The following ADAMTS5 variants were observed in gnomAD, a reference collection of about 807,000 sequenced individuals.
ADAMTS5 encodes the protein ADAM metallopeptidase with thrombospondin type 1 motif 5, also known as A disintegrin and metalloproteinase with thrombospondin motifs 5.
ADAMTS5 carries 54 observed loss-of-function variants against 81.4 expected under a neutral mutation model. The observed-to-expected ratio is 0.66, with a 90% confidence interval of 0.53 to 0.83. The LOEUF (loss-of-function observed/expected upper bound fraction) is 0.83. Among genes scored for constraint, ADAMTS5 ranks in the 40% least tolerant of loss-of-function variants. The pLI is 0.00. For missense variants in ADAMTS5, 1,194 were observed against 1,229.9 expected, an observed-to-expected ratio of 0.97 and a Z score of 0.44; for synonymous variants, 532 against 508.8, an observed-to-expected ratio of 1.05 and a Z score of -0.61.
At chr21:26,965,257 G>A (rs200596472) in intron 1 of ADAMTS5, 31 bp downstream of exon 1, 53 of 1,585,076 alleles carry the variant, frequency 3.3e-5, no homozygotes, top group Admixed American at 3.4e-5. Flanking sequence ...TGATATCAGC[G>A]CTGGGACCCC....
chr21:26,963,131 G>T (rs972088783), intron 1 of ADAMTS5, among the ~76,000 whole-genome samples: 17 of 151,810 alleles, frequency 1.1e-4, no homozygotes, highest in Admixed American at 8.5e-4. Flanking sequence ...ACCAGAGAGG[G>T]CCCATGTGAA....
chr21:26,953,677 G>C (rs544920160), intron 2 of ADAMTS5, among the ~76,000 whole-genome samples: 1 of 152,050 alleles, frequency 6.6e-6, no homozygotes, highest in Admixed American at 6.6e-5. Context: ...GATGGCAAAA[G>C]GTACCATAAT....
chr21:26,935,253 T>C (rs1986992668), intron 3 of ADAMTS5, among the ~76,000 whole-genome samples: 1 of 152,176 alleles, frequency 6.6e-6, no homozygotes, highest in East Asian at 1.9e-4. Context: ...TCCTTTCCAC[T>C]AATTCCATAA....
intron 2 of ADAMTS5, among the ~76,000 whole-genome samples, chr21:26,946,224 C>T (rs1335226514): frequency 2.0e-5 from 3 of 152,280 alleles, no homozygotes; most frequent in Admixed American, 1.3e-4. Context: ...AGACGTGACA[C>T]ACATTCTAAA....
intron 4 of ADAMTS5, among the ~76,000 whole-genome samples, chr21:26,933,275 T>C (rs577018699): frequency 6.6e-6 from 1 of 152,290 alleles, no homozygotes; most frequent in South Asian, 2.1e-4. Context: ...GAAAGCATCA[T>C]CCTAAGTACT....
rs1485616786 is a variant in ADAMTS5, at chr21:26,919,125, G to A, written c.*4928C>T. ...CTCAAAAATACCACATTTGACAGTC[G>A]GTCACGAAAGATGTTAGCACCTCAA... On this transcript the variant is annotated 3_prime_UTR_variant, in exon 8 of 8. Coordinates refer to ENST00000284987, the MANE Select transcript of ADAMTS5 (RefSeq NM_007038.5). 4.0e-5 allele frequency: 6 copies of A among 151,760 alleles called. No individual in the cohort carries two copies. Among genetic ancestry groups the A allele is most frequent in the African/African-American group, 7.3e-5 (3 of 41,344 alleles). The allele number at this position is 151,760 out of a possible 1,614,324, so 9.4% of individuals were successfully genotyped here.
At chr21:26,927,921 G>A (rs1986834196) in intron 7 of ADAMTS5, among the ~76,000 whole-genome samples, 1 of 152,096 alleles carries the variant, frequency 6.6e-6, no homozygotes, top group Non-Finnish European at 1.5e-5. Context: ...GATGTGGGGT[G>A]TGAGAGAAAA....
chr21:26,956,939 C>A (rs556103704), intron 1 of ADAMTS5, among the ~76,000 whole-genome samples: 7 of 152,286 alleles, frequency 4.6e-5, no homozygotes, highest in Admixed American at 2.0e-4. Flanking sequence ...GGAAATGTGA[C>A]AAAATTATGA....
intron 5 of ADAMTS5, 22 bp from the exon 6 acceptor site, chr21:26,932,201 G>A: frequency 6.2e-7 from 1 of 1,605,738 alleles, no homozygotes; most frequent in African/African-American, 1.3e-5. Flanking sequence ...ACATGTTTCA[G>A]TATTACCTTA....
Position 26,966,118 on chromosome 21 carries a change from A to T in ADAMTS5, c.274T>A (p.Tyr92Asn). 2 of 1,612,624 alleles carry T rather than the reference A, an allele frequency of 1.2e-6. No individual in the cohort carries two copies. Among genetic ancestry groups the T allele is most frequent in the Non-Finnish European group, 1.7e-6 (2 of 1,179,726 alleles). ...SGGGKVGYLV[Y>N]AGGRRFLLDL... is the part of the protein sequence containing the mutation. ...AAGAGGAACCTCCGGCCGCCCGCGTAGACGAGGTAGCCCACCTTGCCGCCG... is the reference window on the plus strand; with the variant it reads ...AAGAGGAACCTCCGGCCGCCCGCGTTGACGAGGTAGCCCACCTTGCCGCCG... Residue 92 changes from tyrosine to asparagine, a missense_variant, in exon 1 of 8, where the codon TAC becomes AAC. By Grantham distance (143) the Tyr-to-Asn change is moderately radical. Transcript: ENST00000284987.
intron 2 of ADAMTS5, among the ~76,000 whole-genome samples, chr21:26,951,679 C>CAAAAAAAAAAAAA (rs58060427): frequency 4.3e-5 from 2 of 46,628 alleles, no homozygotes; most frequent in African/African-American, 1.7e-4. Context: ...CCCTCCATCT[C>CAAAAAAAAAAAAA]AAAAAAAAAA....
At chr21:26,943,287 G>A in intron 3 of ADAMTS5, 93 bp downstream of exon 3, 1 of 1,234,966 alleles carries the variant, frequency 8.1e-7, no homozygotes, top group East Asian at 2.5e-5. Context: ...TGTCTTAGAG[G>A]GCAAGATGAA....
rs1180406597 is a variant in ADAMTS5, at chr21:26,932,127, A to G, written c.1926T>C (p.Asp642=). ...CCACAAAAGTTTTGACTCCTTTTGC[A>G]TCAGACTGATAGCCATTTTTGGCCT... ...QCEAKNGYQS[D]AKGVKTFVEW... Residue 642 remains aspartate (D), a synonymous_variant, in exon 6 of 8, where the codon GAT becomes GAC. Coordinates refer to ENST00000284987, the MANE Select transcript of ADAMTS5 (RefSeq NM_007038.5). The G allele has an allele frequency of 3.1e-6, 5 of 1,614,110 alleles. No homozygotes were observed. The highest frequency in any genetic ancestry group is 2.2e-5 in the East Asian group (1 of 44,900).
chr21:26,959,217 T>C (rs151134424), intron 1 of ADAMTS5, among the ~76,000 whole-genome samples: 65 of 152,228 alleles, frequency 4.3e-4, no homozygotes, highest in African/African-American at 1.5e-3. Context: ...GGAAGGTAGA[T>C]TGCTTTTTAA....
rs1213023525 is a variant in ADAMTS5 at position 26,919,079 on chromosome 21, AATC to A, written c.*4971_*4973del. 3 of 152,030 alleles carry A rather than the reference AATC, an allele frequency of 2.0e-5. No individual in the cohort carries two copies. Among genetic ancestry groups the A allele is most frequent in the African/African-American group, 7.2e-5 (3 of 41,426 alleles). 9.4% of individuals were successfully genotyped at this position (152,030 alleles called of 1,614,324 possible). A position where few individuals can be genotyped will look rare whatever the true frequency, so the allele number is the denominator to read the frequency against. ...TAGAGGTCTTTCTTGCAAACTGTAA[AATC>A]ATGTAGAAAAATAGTAACTCAAAAA... is the stretch of plus-strand genomic sequence containing the variant. On this transcript the variant is annotated 3_prime_UTR_variant, in exon 8 of 8. Coordinates refer to ENST00000284987, the MANE Select transcript of ADAMTS5 (RefSeq NM_007038.5).
intron 3 of ADAMTS5, among the ~76,000 whole-genome samples, chr21:26,942,702 C>T (rs1273003312): frequency 6.6e-6 from 1 of 152,152 alleles, no homozygotes; most frequent in Admixed American, 6.6e-5. Flanking sequence ...TAATTTACAG[C>T]ACTGATCCTA....
chr21:26,947,961 G>A (rs1987247006), intron 2 of ADAMTS5, among the ~76,000 whole-genome samples: 1 of 152,132 alleles, frequency 6.6e-6, no homozygotes, highest in African/African-American at 2.4e-5. Context: ...GAGTTACATT[G>A]TTAGCTCAGA....
At position 26,965,356 on chromosome 21, in the gene ADAMTS5, G is replaced by C. The variant is rs1156367965; in HGVS notation, c.1036C>G (p.His346Asp). The change falls in exon 1 of 8, where the codon CAC (histidine) becomes GAC (aspartate). Residue 346 changes from histidine to aspartate, a missense_variant. Transcript: ENST00000284987. ...TTLKNFCKWQ[H>D]QHNQLGDDHE... is the part of the protein sequence containing the mutation. The stretch of plus-strand genomic sequence containing the variant: ...TCATCTCCCAGCTGGTTGTGTTGGT[G>C]CTGCCACTTGCAAAAGTTCTTGAGT... 1 of 1,614,132 alleles carries C rather than the reference G, an allele frequency of 6.2e-7. No individual in the cohort carries two copies. Among genetic ancestry groups the C allele is most frequent in the African/African-American group, 1.3e-5 (1 of 74,944 alleles).
At chr21:26,930,765 CTG>C (rs1986892950) in intron 6 of ADAMTS5, among the ~76,000 whole-genome samples, 1 of 151,878 alleles carries the variant, frequency 6.6e-6, no homozygotes, top group African/African-American at 2.4e-5. Flanking sequence ...ATAAATAAGC[CTG>C]TAAATTTTAT....
Sources: allele counts gnomAD v4.1 joint callset (sites outside exome capture counted in the v4.1 genomes callset), GRCh38; gene constraint gnomAD v4.1.1; transcripts MANE v1.5; gene names NCBI Gene and HGNC (gene_info 2026-07-23, HGNC 2026-07-21).